CCDC81: variants seen among roughly 807,000 people sequenced by gnomAD.
CCDC81 encodes the protein coiled-coil domain-containing protein 81.
CCDC81 carries 79 observed loss-of-function variants against 83.7 expected under a neutral mutation model. That is an observed-to-expected ratio of 0.94 (90% confidence interval 0.79 to 1.14). The LOEUF is 1.14. Ranked by LOEUF, CCDC81 falls within the 50% of genes most tolerant of loss-of-function variation. The pLI, the probability that CCDC81 is intolerant of heterozygous loss-of-function variation, is 0.00. For missense variants in CCDC81, 791 were observed against 778.1 expected (o/e 1.02, Z -0.20); for synonymous variants, 252 against 278.1 (o/e 0.91, Z 0.93).
Position 86,414,788 on chromosome 11 carries a change from G to C in CCDC81, c.1392-1G>C. 1 of 1,607,288 alleles carries C rather than the reference G, an allele frequency of 6.2e-7. No homozygotes were observed. Among genetic ancestry groups the C allele is most frequent in the Non-Finnish European group, 8.5e-7 (1 of 1,178,106 alleles). ...CATCTTCTCTTGTTCTTAACTGCCA[G>C]ACTTGCTGCGCAAAGAGCGAAATTT... On this transcript the variant is annotated splice_acceptor_variant, in intron 11 of 14. Coordinates refer to ENST00000445632, the MANE Select transcript of CCDC81 (RefSeq NM_001156474.2). LOFTEE classifies it high-confidence loss of function.
rs145533136 is a variant in CCDC81, at chr11:86,383,777, C to T, written c.80-2274C>T. Among the ~76,000 whole-genome samples the T allele has an allele frequency of 1.2e-4, 18 of 152,328 alleles. No individual in the cohort carries two copies. In the East Asian group the frequency reaches 3.1e-3, roughly 26 times the overall value. On this transcript the variant is annotated intron_variant, in intron 1 of 14. Transcript: ENST00000445632. ...AAATTTAGAAATTACAGTCTGTAAG[C>T]TTTCCAAATCTATTCCGATTGGATT...
Position 86,401,530 on chromosome 11 carries a change from A to T in CCDC81, c.881+729A>T, listed in dbSNP as rs118007709. Among the ~76,000 whole-genome samples, 984 of 152,308 alleles carry T rather than the reference A, an allele frequency of 6.5e-3. 4 individuals are homozygous for T. Among genetic ancestry groups the T allele is most frequent in the Middle Eastern group, 0.014 (4 of 294 alleles). ...AAAACTCTAGGAATGCTTGTTTTGGATAATATCACTGTTATGAAAGATAAT... is the reference window on the plus strand; with the variant it reads ...AAAACTCTAGGAATGCTTGTTTTGGTTAATATCACTGTTATGAAAGATAAT... On this transcript the variant is annotated intron_variant, in intron 7 of 14. Transcript: ENST00000445632.
intron 7 of CCDC81, among the ~76,000 whole-genome samples, chr11:86,403,563 G>A (rs182556996): frequency 2.8e-4 from 43 of 152,248 alleles, no homozygotes; most frequent in South Asian, 1.0e-3. Context: ...TAATAAAATG[G>A]AAAAGTGTAG....
intron 2 of CCDC81, 47 bp from the exon 3 acceptor site, chr11:86,387,469 C>T: frequency 1.3e-6 from 2 of 1,558,452 alleles, no homozygotes; most frequent in Admixed American, 3.5e-5. Context: ...ATTATTTTTT[C>T]TTCACTCCTT....
chr11:86,393,483 T>C (rs1206805793), intron 4 of CCDC81, among the ~76,000 whole-genome samples: 5 of 152,228 alleles, frequency 3.3e-5, no homozygotes, highest in African/African-American at 4.8e-5. Flanking sequence ...AGAGGCTATG[T>C]GGGAATCCCA....
At chr11:86,379,608 A>G (rs1347345697) in intron 1 of CCDC81, among the ~76,000 whole-genome samples, 2 of 152,150 alleles carry the variant, frequency 1.3e-5, no homozygotes, top group Non-Finnish European at 2.9e-5. Context: ...TATATATGAT[A>G]TATGCATAAG....
intron 5 of CCDC81, among the ~76,000 whole-genome samples, chr11:86,395,772 G>A (rs942426636): frequency 4.6e-5 from 7 of 152,102 alleles, no homozygotes; most frequent in Admixed American, 1.3e-4. Context: ...ACAGGCGCAC[G>A]CCACCATGCC....
At chr11:86,407,728 C>T (rs1305538988) in intron 8 of CCDC81, 27 bp downstream of exon 8, 1 of 1,527,126 alleles carries the variant, frequency 6.5e-7, no homozygotes, top group Admixed American at 1.7e-5. Flanking sequence ...CAAATAAGTC[C>T]CATCAGAATC....
chr11:86,379,314 T>A (rs1948142776), intron 1 of CCDC81, among the ~76,000 whole-genome samples: 2 of 152,128 alleles, frequency 1.3e-5, no homozygotes, highest in African/African-American at 4.8e-5. Context: ...GCCAGGATGG[T>A]CTTGATCTCC....
intron 3 of CCDC81, 52 bp from the exon 4 acceptor site, chr11:86,392,489 T>C: frequency 6.5e-7 from 1 of 1,534,438 alleles, no homozygotes; most frequent in Non-Finnish European, 8.8e-7. Context: ...GATATGTCCT[T>C]ATGGTAATCA....
chr11:86,410,901 C>A (rs572753639), intron 10 of CCDC81, among the ~76,000 whole-genome samples: 1 of 152,252 alleles, frequency 6.6e-6, no homozygotes, highest in South Asian at 2.1e-4. Context: ...AATACCTGTC[C>A]AAATGTCTTC....
intron 13 of CCDC81, among the ~76,000 whole-genome samples, chr11:86,416,013 T>C (rs758981062): frequency 3.3e-5 from 5 of 152,192 alleles, no homozygotes; most frequent in Non-Finnish European, 5.9e-5. Context: ...AACAGGTGCA[T>C]AGTGGTGTCT....
At chr11:86,377,348 A>G (rs1415912129) in intron 1 of CCDC81, among the ~76,000 whole-genome samples, 1 of 152,192 alleles carries the variant, frequency 6.6e-6, no homozygotes, top group Non-Finnish European at 1.5e-5. Flanking sequence ...GTATGGTAAG[A>G]GGATGTTTAG....
chr11:86,415,114 C>A lies in CCDC81; in HGVS notation c.1492C>A (p.Leu498Met). 1 of 1,614,194 alleles carries A rather than the reference C, an allele frequency of 6.2e-7. No individual in the cohort carries two copies. The highest frequency in any genetic ancestry group is 8.5e-7 in the Non-Finnish European group (1 of 1,180,026). ...TAAGATAAAGAACAAACCCTCTCGG[C>A]TGCCCCCCTTTGAGCCAGACTCCTC... is the stretch of plus-strand genomic sequence containing the variant. ...DAQIKNKPSR[L>M]PPFEPDSSEP... is the part of the protein sequence containing the mutation. The change falls in exon 13 of 15, where the codon CTG (leucine) becomes ATG (methionine). Residue 498 changes from leucine (L) to methionine (M), a missense_variant. Coordinates refer to ENST00000445632, the MANE Select transcript of CCDC81 (RefSeq NM_001156474.2).
intron 3 of CCDC81, among the ~76,000 whole-genome samples, chr11:86,388,067 T>C (rs1443823346): frequency 6.6e-6 from 1 of 152,236 alleles, no homozygotes; most frequent in Non-Finnish European, 1.5e-5. Context: ...ACTGTCTTTC[T>C]ATCATATGTA....
At chr11:86,387,160 T>G (rs868571259) in intron 2 of CCDC81, among the ~76,000 whole-genome samples, 2 of 152,324 alleles carry the variant, frequency 1.3e-5, no homozygotes, top group Middle Eastern at 6.8e-3. Flanking sequence ...CCCTCTTAAA[T>G]TCCTCTAATG....
intron 13 of CCDC81, chr11:86,419,622 T>A (rs1948762355): frequency 5.1e-6 from 1 of 196,914 alleles, no homozygotes; most frequent in South Asian, 1.7e-4. Context: ...TTGGGATGAT[T>A]CTTCAGATAA....
chr11:86,417,321 A>AT (rs111287637), intron 13 of CCDC81, among the ~76,000 whole-genome samples: 15 of 151,930 alleles, frequency 9.9e-5, no homozygotes, highest in Admixed American at 3.9e-4. Flanking sequence ...AATTTTTTAA[A>AT]TTTTTTTTGT....
chr11:86,417,639 GTATTA>G (rs2138543091), intron 13 of CCDC81, among the ~76,000 whole-genome samples: 1 of 151,798 alleles, frequency 6.6e-6, no homozygotes, highest in South Asian at 2.1e-4. Flanking sequence ...CAGATATTTT[GTATTA>G]AACATTTTTA....
Sources: allele counts gnomAD v4.1 joint callset (sites outside exome capture counted in the v4.1 genomes callset), GRCh38; gene constraint gnomAD v4.1.1; transcripts MANE v1.5; gene names NCBI Gene and HGNC (gene_info 2026-07-23, HGNC 2026-07-21).